Variants in PHEX observed in about 807,000 individuals in gnomAD.
PHEX encodes phosphate-regulating neutral endopeptidase PHEX.
In PHEX, 16 loss-of-function variants were observed where a neutral mutation model predicts 68.0. The ratio of observed to expected loss-of-function variants is 0.24; its 90% confidence interval spans 0.16 to 0.36. PHEX has a LOEUF of 0.36. PHEX is among the 10% of genes least tolerant of loss of function. PHEX has a pLI of 1.00. For missense variants in PHEX, 480 were observed against 575.5 expected, an observed-to-expected ratio of 0.83 and a Z score of 1.70; for synonymous variants, 208 against 205.1, an observed-to-expected ratio of 1.01 and a Z score of -0.12.
chrX:22,232,506 C>T (rs1016632704), intron 20 of PHEX, among the ~76,000 whole-genome samples: 2 of 107,968 alleles, frequency 1.9e-5, no homozygotes, highest in East Asian at 2.9e-4. Context: ...TGCATTGACC[C>T]CTTTACGATT....
chrX:22,061,252 A>C (rs1050246310), intron 3 of PHEX, among the ~76,000 whole-genome samples: 1 of 111,930 alleles, frequency 8.9e-6, no homozygotes, highest in Non-Finnish European at 1.9e-5. Flanking sequence ...GCCCTACAAA[A>C]ATTGAAAAGT....
rs1203193139 is a variant in PHEX at position 22,077,554 on chromosome X, C to T, written c.515C>T (p.Ser172Phe). ...HSPFRWPVLE[S>F]NIGPEGVWSE... ...CCTTTCCGCTGGCCCGTGCTTGAAT[C>T]TAATATTGGCCCTGAAGGGGTTTGG... Residue 172 changes from serine (S) to phenylalanine (F), a missense_variant, in exon 5 of 22, where the codon TCT becomes TTT. Coordinates refer to ENST00000379374, the MANE Select transcript of PHEX (RefSeq NM_000444.6). 3.3e-6 allele frequency: 4 copies of T among 1,209,892 alleles called. No homozygotes were observed. The South Asian group carries it at 7.0e-5, about 21-fold the overall frequency.
chrX:22,060,844 G>A (rs1204937697), intron 3 of PHEX, among the ~76,000 whole-genome samples: 1 of 111,728 alleles, frequency 9.0e-6, no homozygotes, highest in East Asian at 2.8e-4. Flanking sequence ...CCCACACCCA[G>A]GTCCTGTTTT....
Position 22,248,358 on chromosome X carries a change from T to TCAATGATGAAGAC in PHEX, c.*406_*418dup, listed in dbSNP as rs772031205. 5.3e-4 allele frequency: 95 copies of TCAATGATGAAGAC among 177,721 alleles called. No individual in the cohort carries two copies. The South Asian group carries it at 8.5e-3, about 16-fold the overall frequency. The allele number at this position is 177,721 out of a possible 1,213,427, so 14.6% of individuals were successfully genotyped here. ...TTCAATCTATTAAACTTGTAGCCTC[T>TCAATGATGAAGAC]CAATGATGAAGACATGTGCATGAAT... On this transcript the variant is annotated 3_prime_UTR_variant, in exon 22 of 22. Transcript: ENST00000379374.
At position 22,221,727 on chromosome X, in the gene PHEX, A is replaced by G. The variant is rs1569432053; in HGVS notation, c.1883A>G (p.Lys628Arg). 3 of 1,209,210 alleles carry G rather than the reference A, an allele frequency of 2.5e-6. No homozygotes were observed. Among genetic ancestry groups the G allele is most frequent in the Middle Eastern group, 2.3e-4 (1 of 4,351 alleles). Residue 628 changes from lysine (K) to arginine (R), a missense_variant, in exon 18 of 22, where the codon AAG becomes AGG. Transcript: ENST00000379374. ...MINQYSNYYW[K>R]KAGLNVKGKR... ...AACCAGTATAGCAACTATTATTGGA[A>G]GAAAGCTGGCTTAAATGTGAGTACA...
In PHEX at chrX:22,221,719, T is replaced by C. The variant is rs1400504292; in HGVS notation, c.1875T>C (p.Tyr625=). The C allele has an allele frequency of 5.8e-6, 7 of 1,207,839 alleles. No individual in the cohort carries two copies. The Admixed American group carries it at 1.5e-4, about 26-fold the overall frequency. The change falls in exon 18 of 22, where the codon TAT becomes TAC. Residue 625 remains tyrosine, a synonymous_variant. Coordinates refer to ENST00000379374, the MANE Select transcript of PHEX (RefSeq NM_000444.6). The part of the protein sequence containing the change: ...TKCMINQYSN[Y]YWKKAGLNVK... ...GCATGATTAACCAGTATAGCAACTA[T>C]TATTGGAAGAAAGCTGGCTTAAATG...
chrX:22,171,964 G>A (rs1168218597), intron 13 of PHEX: 2 of 111,923 alleles, frequency 1.8e-5, no homozygotes, highest in East Asian at 2.8e-4. Context: ...TCAGACGAAG[G>A]TCAAGGAGAA....
intron 20 of PHEX, among the ~76,000 whole-genome samples, chrX:22,231,818 A>ATTTG (rs1400065701): frequency 9.0e-6 from 1 of 111,037 alleles, no homozygotes; most frequent in African/African-American, 3.3e-5. Flanking sequence ...TAGCTTTTGA[A>ATTTG]TTTGTTTGCT....
intron 5 of PHEX, among the ~76,000 whole-genome samples, chrX:22,087,875 C>T (rs1929692055): frequency 8.9e-6 from 1 of 111,939 alleles, no homozygotes; most frequent in Non-Finnish European, 1.9e-5. Context: ...GAACAAACCA[C>T]AGATTTAGAG....
intron 5 of PHEX, among the ~76,000 whole-genome samples, chrX:22,082,317 C>A (rs1245548672): frequency 8.9e-6 from 1 of 111,988 alleles, no homozygotes; most frequent in East Asian, 2.8e-4. Flanking sequence ...AATTTACATT[C>A]CCACCAGCAG....
chrX:22,232,411 T>C (rs938144440), intron 20 of PHEX, among the ~76,000 whole-genome samples: 5 of 109,851 alleles, frequency 4.6e-5, no homozygotes, highest in Non-Finnish European at 9.5e-5. Context: ...CTAAGTCTCT[T>C]TGTAGGTCTC....
At chrX:22,186,827 A>G (rs925396656) in intron 14 of PHEX, among the ~76,000 whole-genome samples, 1 of 112,482 alleles carries the variant, frequency 8.9e-6, no homozygotes, top group African/African-American at 3.2e-5. Flanking sequence ...GTCTACCAGC[A>G]GTTAGGAACA....
intron 2 of PHEX, among the ~76,000 whole-genome samples, chrX:22,040,161 T>C (rs933908793): frequency 8.9e-6 from 1 of 111,932 alleles, no homozygotes; most frequent in Admixed American, 9.5e-5. Context: ...GCAGGGACAC[T>C]TTTTTCCTTT....
chrX:22,250,572 T>C lies in PHEX; in HGVS notation c.*2619T>C. The C allele has an allele frequency of 8.9e-6, 1 of 112,049 alleles. No homozygotes were observed. Among genetic ancestry groups the C allele is most frequent in the Non-Finnish European group, 1.9e-5 (1 of 53,230 alleles). The allele number at this position is 112,049 out of a possible 1,213,427, so 9.2% of individuals were successfully genotyped here. Reference sequence around the variant, plus strand: ...GCATTGGAAGGAGTTAGGTTTTTTGTGTTTGTGAAAATCTCCTGGATTAGT... The same window carrying C: ...GCATTGGAAGGAGTTAGGTTTTTTGCGTTTGTGAAAATCTCCTGGATTAGT... On this transcript the variant is annotated 3_prime_UTR_variant, in exon 22 of 22. Transcript: ENST00000379374.
chrX:22,158,549 G>C (rs1261215544), intron 12 of PHEX, among the ~76,000 whole-genome samples: 1 of 112,331 alleles, frequency 8.9e-6, no homozygotes, highest in Non-Finnish European at 1.9e-5. Flanking sequence ...CAAGACATTT[G>C]AGAATTTATC....
At chrX:22,038,418 C>T (rs770769980) in intron 1 of PHEX, 51 bp from the exon 2 acceptor site, 12 of 801,874 alleles carry the variant, frequency 1.5e-5, no homozygotes, top group African/African-American at 8.1e-5. Flanking sequence ...GGTGGTTTAC[C>T]GGATGGTGGT....
rs1025420343 is a variant in PHEX at position 22,114,645 on chromosome X, G to T, written c.1302+59G>T. 1.3e-5 allele frequency: 14 copies of T among 1,060,395 alleles called. No individual in the cohort carries two copies. The South Asian group carries it at 1.7e-4, about 13-fold the overall frequency. 87.4% of individuals were successfully genotyped at this position (1,060,395 alleles called of 1,213,427 possible). A position where few individuals can be genotyped will look rare whatever the true frequency, so the allele number is the denominator to read the frequency against. On this transcript the variant is annotated intron_variant, in intron 11 of 21. Coordinates refer to ENST00000379374, the MANE Select transcript of PHEX (RefSeq NM_000444.6). The stretch of plus-strand genomic sequence containing the variant: ...GGCAATTTAGCCAGATCTGACAAGG[G>T]TATATTCAACAGGCTAATGTCAGCC...
intron 12 of PHEX, among the ~76,000 whole-genome samples, chrX:22,154,906 C>T (rs189885852): frequency 3.5e-4 from 39 of 111,991 alleles, no homozygotes; most frequent in African/African-American, 1.2e-3. Context: ...TATGAAAATT[C>T]CCACTTGCAT....
chrX:22,079,872 T>TA (rs914278157), intron 5 of PHEX, among the ~76,000 whole-genome samples: 5 of 110,555 alleles, frequency 4.5e-5, no homozygotes, highest in African/African-American at 6.6e-5. Flanking sequence ...GCTATCTATT[T>TA]AAAAAAAAAT....
Sources: allele counts gnomAD v4.1 joint callset (sites outside exome capture counted in the v4.1 genomes callset), GRCh38; gene constraint gnomAD v4.1.1; transcripts MANE v1.5; gene names NCBI Gene and HGNC (gene_info 2026-07-23, HGNC 2026-07-21).